Variants in UBXN6 observed in about 807,000 individuals in gnomAD.
UBXN6 encodes UBX domain-containing protein 6.
In UBXN6, 44 loss-of-function variants were observed where a neutral mutation model predicts 51.4. The ratio of observed to expected loss-of-function variants is 0.86; its 90% CI spans 0.67 to 1.10. The LOEUF (loss-of-function observed/expected upper bound fraction) is 1.10, where lower values mean the gene tolerates loss of function less well. UBXN6 is among the 50% of genes least tolerant of loss of function. UBXN6 has a pLI of 0.00. For missense variants in UBXN6, 672 were observed against 596.1 expected (o/e 1.13, Z -1.32); for synonymous variants, 316 against 263.2 (o/e 1.20, Z -1.94).
chr19:4,451,681 A>C (rs747808102), intron 4 of UBXN6, among the ~76,000 whole-genome samples: 3 of 151,908 alleles, frequency 2.0e-5, no homozygotes, highest in Non-Finnish European at 2.9e-5. Flanking sequence ...CTTGTTGCCC[A>C]GGTTGGAGTG....
At position 4,457,725 on chromosome 19, in the gene UBXN6, C is replaced by A; in HGVS notation, c.-28G>T. 1 of 1,470,070 alleles carries A rather than the reference C, an allele frequency of 6.8e-7. No individual in the cohort carries two copies. Among genetic ancestry groups the A allele is most frequent in the South Asian group, 1.3e-5 (1 of 79,764 alleles). 91.1% of individuals were successfully genotyped at this position (1,470,070 alleles called of 1,614,324 possible). On this transcript the variant is annotated 5_prime_UTR_variant, in exon 1 of 11. Coordinates refer to ENST00000301281, the MANE Select transcript of UBXN6 (RefSeq NM_025241.3). Reference sequence around the variant, plus strand: ...TGGCGGCTGGCCCGGCGGCGGGGGGCCGCGGGGGCGGGGGGGCACGGGGCC... The same window carrying A: ...TGGCGGCTGGCCCGGCGGCGGGGGGACGCGGGGGCGGGGGGGCACGGGGCC...
At chr19:4,448,714 T>G (rs1974594280) in intron 4 of UBXN6, 1 of 420,360 alleles carries the variant, frequency 2.4e-6, no homozygotes, top group Admixed American at 3.7e-5. Flanking sequence ...TGCCTCACAC[T>G]CTGGCTTTAG....
chr19:4,453,278 C>T (rs1003043283), intron 3 of UBXN6, among the ~76,000 whole-genome samples, 180 bp downstream of exon 3: 5 of 152,192 alleles, frequency 3.3e-5, no homozygotes, highest in Non-Finnish European at 7.4e-5. Context: ...GCATCCTCAG[C>T]TGCCGAGCCC....
Position 4,446,356 on chromosome 19 carries a change from C to T in UBXN6, c.978G>A (p.Glu326=). 1.3e-6 allele frequency: 2 copies of T among 1,572,300 alleles called. No homozygotes were observed. The highest frequency in any genetic ancestry group is 1.7e-6 in the Non-Finnish European group (2 of 1,165,630). Residue 326 remains glutamate, a synonymous_variant, in exon 9 of 11, where the codon GAG becomes GAA. Coordinates refer to ENST00000301281, the MANE Select transcript of UBXN6 (RefSeq NM_025241.3). ...VLRTKAMREK[E]EQRGLRKYNY... is the part of the protein sequence containing the mutation. ...TGTACTTGCGCAGCCCCCGCTGCTC[C>T]TCCTTCTCCCGCATGGCCTTGGTCC...
In UBXN6 at chr19:4,445,472, G is replaced by T. The variant is rs770045495; in HGVS notation, c.*26C>A. The T allele has an allele frequency of 1.9e-6, 3 of 1,613,414 alleles. No homozygotes were observed. In the African/African-American group the frequency reaches 4.0e-5, roughly 22 times the overall value. ...AGGGAGAGCATGAGACAGACCCACA[G>T]GGCTGAGGCCAACCCTGCTTTTATT... is the stretch of plus-strand genomic sequence containing the variant. On this transcript the variant is annotated 3_prime_UTR_variant, in exon 11 of 11. Transcript: ENST00000301281.
chr19:4,454,054 G>A lies in UBXN6; in HGVS notation c.123C>T (p.Pro41=), dbSNP rs1207958740. The change falls in exon 2 of 11, where the codon CCC becomes CCT. Residue 41 remains proline, a synonymous_variant. Coordinates refer to ENST00000301281, the MANE Select transcript of UBXN6 (RefSeq NM_025241.3). ...AHKEKPNQPA[P]RPPRQGPTNE... is the part of the protein sequence containing the mutation. ...TGGTGGGTCCCTGGCGGGGCGGCCTGGGGGCTGGCTGGTTGGGCTTCTCTT... is the reference window on the plus strand; with the variant it reads ...TGGTGGGTCCCTGGCGGGGCGGCCTAGGGGCTGGCTGGTTGGGCTTCTCTT... 2 of 1,582,264 alleles carry A rather than the reference G, an allele frequency of 1.3e-6. No individual in the cohort carries two copies. Among genetic ancestry groups the A allele is most frequent in the Non-Finnish European group, 1.7e-6 (2 of 1,167,142 alleles).
In UBXN6 at chr19:4,456,271, TCTCTCCCTGACCC is replaced by T. The variant is rs1974738488; in HGVS notation, c.83+1331_83+1343del. Among the ~76,000 whole-genome samples, 19 of 123,922 alleles carry T rather than the reference TCTCTCCCTGACCC, an allele frequency of 1.5e-4. No individual in the cohort carries two copies. The South Asian group carries it at 5.8e-3, about 38-fold the overall frequency. The allele number at this position is 123,922 out of a possible 152,430, so 81.3% of individuals were successfully genotyped here. A position where few individuals can be genotyped will look rare whatever the true frequency, so the allele number is the denominator to read the frequency against. ...GAAGGGCTCCCCCGATTTGCCCCCT[TCTCTCCCTGACCC>T]CTCTCCCTCCCTCACTCAGCCTTTG... On this transcript the variant is annotated intron_variant, in intron 1 of 10. Coordinates refer to ENST00000301281, the MANE Select transcript of UBXN6 (RefSeq NM_025241.3).
rs764632030 is a variant in UBXN6, at chr19:4,446,520, G to C, written c.900C>G (p.Ile300Met). 6.2e-7 allele frequency: 1 copy of C among 1,610,866 alleles called. No individual in the cohort carries two copies. Among genetic ancestry groups the C allele is most frequent in the Non-Finnish European group, 8.5e-7 (1 of 1,179,614 alleles). Residue 300 changes from isoleucine to methionine, a missense_variant, in exon 8 of 11, where the codon ATC becomes ATG. Physicochemically the swap from Ile to Met is conservative, Grantham distance 10 (BLOSUM62 1). Coordinates refer to ENST00000301281, the MANE Select transcript of UBXN6 (RefSeq NM_025241.3). Reference sequence around the variant, plus strand: ...CCCACCTGAGCCTCTGCTCCCGCTTGATCTCCTCTGCTGTGAGGTTGAAGA... The same window carrying C: ...CCCACCTGAGCCTCTGCTCCCGCTTCATCTCCTCTGCTGTGAGGTTGAAGA... ...GDFFNLTAEE[I>M]KREQRLRSEA...
intron 4 of UBXN6, among the ~76,000 whole-genome samples, chr19:4,451,143 A>C (rs903963369): frequency 3.0e-4 from 46 of 151,898 alleles, no homozygotes; most frequent in African/African-American, 1.1e-3. Flanking sequence ...TGCAACCTCC[A>C]CCTCCCAGGT....
chr19:4,446,257 C>CT (rs753164736), intron 9 of UBXN6, 26 bp downstream of exon 9: 6 of 1,569,414 alleles, frequency 3.8e-6, no homozygotes, highest in Non-Finnish European at 5.2e-6. Context: ...CCCGAGCCGC[C>CT]CTCCACGGGC....
intron 2 of UBXN6, 82 bp from the exon 3 acceptor site, chr19:4,453,604 G>C (rs893007596): frequency 4.6e-6 from 7 of 1,531,122 alleles, no homozygotes; most frequent in Non-Finnish European, 1.8e-6. Context: ...TCATTCCCGG[G>C]GTGGGCCTGG....
rs1167912324 is a variant in UBXN6, at chr19:4,454,059, C to A, written c.118G>T (p.Ala40Ser). Residue 40 changes from alanine to serine, a missense_variant, in exon 2 of 11, where the codon GCC (alanine) becomes TCC (serine). Transcript: ENST00000301281. ...GGTCCCTGGCGGGGCGGCCTGGGGG[C>A]TGGCTGGTTGGGCTTCTCTTTGTGG... ...KAHKEKPNQP[A>S]PRPPRQGPTN... 6.3e-7 allele frequency: 1 copy of A among 1,579,280 alleles called. No individual in the cohort carries two copies. The highest frequency in any genetic ancestry group is 8.6e-7 in the Non-Finnish European group (1 of 1,165,628).
chr19:4,450,940 A>C (rs556183469), intron 4 of UBXN6: 1 of 152,318 alleles, frequency 6.6e-6, no homozygotes, highest in African/African-American at 2.4e-5. Context: ...AGGCGTAAAG[A>C]TCAAAGTTTG....
At chr19:4,453,425 G>T in intron 3 of UBXN6, 33 bp downstream of exon 3, 1 of 1,607,754 alleles carries the variant, frequency 6.2e-7, no homozygotes, top group Non-Finnish European at 8.5e-7. Flanking sequence ...CCACCCCTTG[G>T]CATGGGACAG....
At chr19:4,447,934 G>C (rs553181402) in intron 5 of UBXN6, 5 of 499,422 alleles carry the variant, frequency 1.0e-5, no homozygotes, top group Admixed American at 9.7e-5. Flanking sequence ...AGCCAGAGCT[G>C]AAGGGCCGCA....
At chr19:4,452,571 G>A in intron 3 of UBXN6, 79 bp from the exon 4 acceptor site, 6 of 1,499,810 alleles carry the variant, frequency 4.0e-6, no homozygotes, top group Non-Finnish European at 5.4e-6. Context: ...AGTCCTGAGT[G>A]TGGCCCGTAG....
chr19:4,455,619 G>A (rs1342768686), intron 1 of UBXN6, among the ~76,000 whole-genome samples: 2 of 152,066 alleles, frequency 1.3e-5, no homozygotes, highest in Non-Finnish European at 2.9e-5. Flanking sequence ...GCCCTTCCCA[G>A]CCTGGCCCAC....
chr19:4,455,381 G>A (rs1354271313), intron 1 of UBXN6: 4 of 816,076 alleles, frequency 4.9e-6, no homozygotes, highest in Non-Finnish European at 5.9e-6. Flanking sequence ...TGAGCATCTT[G>A]GGTGGAAGAG....
intron 1 of UBXN6, among the ~76,000 whole-genome samples, chr19:4,456,049 C>T (rs921326051): frequency 2.6e-5 from 4 of 152,036 alleles, no homozygotes; most frequent in Non-Finnish European, 5.9e-5. Flanking sequence ...GCCCACCCAC[C>T]CCACACACCC....
Sources: allele counts gnomAD v4.1 joint callset (sites outside exome capture counted in the v4.1 genomes callset), GRCh38; gene constraint gnomAD v4.1.1; transcripts MANE v1.5; gene names NCBI Gene and HGNC (gene_info 2026-07-23, HGNC 2026-07-21).